Variants in WDR70 observed in about 807,000 individuals in gnomAD.
The protein encoded by WDR70 is WD repeat domain 70.
WDR70 carries 53 observed loss-of-function variants against 88.6 expected under a neutral mutation model. The ratio of observed to expected loss-of-function variants is 0.60; its 90% CI spans 0.48 to 0.75. The LOEUF (loss-of-function observed/expected upper bound fraction) is 0.75, where lower values mean the gene tolerates loss of function less well. Among genes scored for constraint, WDR70 ranks in the 30% least tolerant of loss-of-function variants. WDR70 has a pLI of 0.00. For synonymous variants in WDR70, 280 were observed against 270.0 expected, an observed-to-expected ratio of 1.04 and a Z score of -0.36; for missense variants, 610 against 823.2, an observed-to-expected ratio of 0.74 and a Z score of 3.17.
chr5:37,502,693 A>G (rs1468450262), intron 8 of WDR70, among the ~76,000 whole-genome samples: 4 of 152,214 alleles, frequency 2.6e-5, no homozygotes, highest in Non-Finnish European at 5.9e-5. Flanking sequence ...ATGGTTCTGC[A>G]TGCTGTACAG....
At chr5:37,474,583 A>C (rs35908169) in intron 7 of WDR70, among the ~76,000 whole-genome samples, 63 of 152,046 alleles carry the variant, frequency 4.1e-4, no homozygotes, top group Non-Finnish European at 7.8e-4. Context: ...TTTTATTTTA[A>C]GTTCCAGGGC....
At chr5:37,675,338 G>T (rs1217175580) in intron 10 of WDR70, among the ~76,000 whole-genome samples, 1 of 152,098 alleles carries the variant, frequency 6.6e-6, no homozygotes, top group African/African-American at 2.4e-5. Context: ...TAATGCCTAG[G>T]TTTTCTTCTA....
chr5:37,495,637 TA>T (rs781591498), intron 8 of WDR70, among the ~76,000 whole-genome samples: 10 of 152,300 alleles, frequency 6.6e-5, no homozygotes, highest in Middle Eastern at 6.8e-3. Context: ...AAGGAAGAGA[TA>T]TTTTTCAGGA....
chr5:37,584,979 A>G (rs574481393), intron 9 of WDR70, among the ~76,000 whole-genome samples: 13 of 139,426 alleles, frequency 9.3e-5, no homozygotes, highest in Admixed American at 5.6e-4. Context: ...AGTTACAGAC[A>G]TACTAGATCT....
At chr5:37,476,258 A>G (rs1362845156) in intron 7 of WDR70, among the ~76,000 whole-genome samples, 1 of 152,200 alleles carries the variant, frequency 6.6e-6, no homozygotes, top group Non-Finnish European at 1.5e-5. Context: ...AACAAAGTCT[A>G]TTATAAATTA....
chr5:37,732,706 T>C (rs1748183503), intron 17 of WDR70, among the ~76,000 whole-genome samples: 1 of 152,170 alleles, frequency 6.6e-6, no homozygotes, highest in Admixed American at 6.6e-5. Context: ...GGTTTTTTCT[T>C]ACTGATTTGT....
intron 9 of WDR70, among the ~76,000 whole-genome samples, chr5:37,586,288 T>G (rs770621949): frequency 2.0e-5 from 3 of 152,212 alleles, no homozygotes; most frequent in African/African-American, 7.2e-5. Context: ...TCTACCCTTA[T>G]CATTCTACTG....
At position 37,635,900 on chromosome 5, in the gene WDR70, G is replaced by A. The variant is rs1744949909; in HGVS notation, c.1092+30662G>A. ...TGTGATAGTGAGTGAATTTTCACGA[G>A]ATCTGATGGTTTTATAAGGGGCTTT... On this transcript the variant is annotated intron_variant, in intron 10 of 17. Transcript: ENST00000265107. Among the ~76,000 whole-genome samples the A allele has an allele frequency of 2.6e-5, 4 of 152,160 alleles. No homozygotes were observed. The South Asian group carries it at 8.3e-4, about 32-fold the overall frequency.
intron 9 of WDR70, among the ~76,000 whole-genome samples, chr5:37,549,254 C>A (rs1422267173): frequency 6.6e-6 from 1 of 152,122 alleles, no homozygotes; most frequent in East Asian, 1.9e-4. Context: ...AATATTGATT[C>A]TTCTAATCCA....
intron 8 of WDR70, among the ~76,000 whole-genome samples, chr5:37,484,189 G>A (rs1212820764): frequency 2.6e-5 from 4 of 152,242 alleles, no homozygotes; most frequent in Admixed American, 2.6e-4. Context: ...GGCACTTTGG[G>A]AGGCCAAGGC....
intron 5 of WDR70, among the ~76,000 whole-genome samples, chr5:37,407,582 C>T (rs1425696750): frequency 6.6e-6 from 1 of 151,988 alleles, no homozygotes; most frequent in Non-Finnish European, 1.5e-5. Flanking sequence ...TCAAATTTTT[C>T]CCACAGAGGT....
chr5:37,640,039 C>T (rs530559495), intron 10 of WDR70, among the ~76,000 whole-genome samples: 1 of 152,226 alleles, frequency 6.6e-6, no homozygotes, highest in African/African-American at 2.4e-5. Context: ...AGCCAAGAAA[C>T]CCAGGTGTGT....
chr5:37,388,612 C>T (rs536401178), intron 3 of WDR70, among the ~76,000 whole-genome samples: 46 of 149,618 alleles, frequency 3.1e-4, no homozygotes, highest in African/African-American at 9.3e-4. Context: ...TGGTGACTGG[C>T]GTCTATAATC....
chr5:37,629,241 T>C (rs1744749371), intron 10 of WDR70, among the ~76,000 whole-genome samples: 1 of 152,208 alleles, frequency 6.6e-6, no homozygotes, highest in African/African-American at 2.4e-5. Context: ...AATTTGACTA[T>C]GTTGGGCTCC....
intron 4 of WDR70, among the ~76,000 whole-genome samples, chr5:37,392,708 G>C (rs189209130): frequency 1.3e-3 from 194 of 152,030 alleles, no homozygotes; most frequent in African/African-American, 4.6e-3. Flanking sequence ...GCAGTGGCTT[G>C]ATCTGGGCTC....
intron 9 of WDR70, among the ~76,000 whole-genome samples, chr5:37,532,101 C>G (rs141556305): frequency 0.018 from 2,737 of 152,294 alleles, 30 homozygotes; most frequent in Middle Eastern, 0.065. Context: ...TCTCTCCTAG[C>G]TTGAGGGATT....
In WDR70 at chr5:37,381,509, A is replaced by G. The variant is rs1209067927; in HGVS notation, c.92-93A>G. On this transcript the variant is annotated intron_variant, in intron 2 of 17. Transcript: ENST00000265107. ...ATATTGGAGCCATGCTATAAACTAG[A>G]CAAAGTAAGTGTTTATTGATCAGTA... 5 of 982,726 alleles carry G rather than the reference A, an allele frequency of 5.1e-6. No individual in the cohort carries two copies. In the Admixed American group the frequency reaches 5.3e-5, roughly 10 times the overall value. The allele number at this position is 982,726 out of a possible 1,614,324, so 60.9% of individuals were successfully genotyped here. A position where few individuals can be genotyped will look rare whatever the true frequency, so the allele number is the denominator to read the frequency against.
At chr5:37,679,626 T>C (rs1449381170) in intron 10 of WDR70, among the ~76,000 whole-genome samples, 1 of 152,174 alleles carries the variant, frequency 6.6e-6, no homozygotes, top group Admixed American at 6.5e-5. Flanking sequence ...CCGTGTGAGG[T>C]GTCAGTCTGC....
intron 9 of WDR70, among the ~76,000 whole-genome samples, chr5:37,569,190 T>C (rs1742830648): frequency 6.6e-6 from 1 of 152,342 alleles, no homozygotes; most frequent in Non-Finnish European, 1.5e-5. Context: ...AGCTGACTTG[T>C]AGAGTTAAGA....
Sources: gnomAD v4.1 joint callset for allele counts (sites outside exome capture counted in the v4.1 genomes callset) on GRCh38, gnomAD v4.1.1 for gene constraint, MANE v1.5 for transcripts, NCBI Gene and HGNC (gene_info 2026-07-23, HGNC 2026-07-21) for gene names.